The following ICA1 variants were observed in gnomAD, a reference collection of about 807,000 sequenced individuals.
The protein encoded by ICA1 is 69 kDa islet cell autoantigen.
Under a neutral mutation model 71.0 loss-of-function variants are expected in ICA1, and 40 were observed. That is an observed-to-expected ratio of 0.56 (90% CI 0.44 to 0.73). The LOEUF is 0.73. ICA1 is among the 30% of genes least tolerant of loss of function. The probability of loss-of-function intolerance (pLI) is 0.00; values close to 1 mark genes in which losing one functional copy is unlikely to be tolerated. For missense variants in ICA1, 578 were observed against 576.5 expected, an observed-to-expected ratio of 1.00 and a Z score of -0.03; for synonymous variants, 207 against 209.5, an observed-to-expected ratio of 0.99 and a Z score of 0.10.
intron 1 of ICA1, among the ~76,000 whole-genome samples, chr7:8,249,348 A>C (rs1300307148): frequency 6.6e-6 from 1 of 152,256 alleles, no homozygotes; most frequent in African/African-American, 2.4e-5. Flanking sequence ...TCCACAGCAG[A>C]ACTGCCAGTG....
intron 8 of ICA1, among the ~76,000 whole-genome samples, chr7:8,155,420 A>G (rs932567854): frequency 6.6e-6 from 1 of 152,186 alleles, no homozygotes; most frequent in Non-Finnish European, 1.5e-5. Context: ...AAAATTAAGG[A>G]GCCATATTTT....
chr7:8,200,971 C>T (rs1244986320), intron 6 of ICA1, among the ~76,000 whole-genome samples: 1 of 152,118 alleles, frequency 6.6e-6, no homozygotes, highest in African/African-American at 2.4e-5. Flanking sequence ...TCTCTTGATG[C>T]CAAAAAACCC....
At chr7:8,197,380 C>G (rs1345721612) in intron 6 of ICA1, among the ~76,000 whole-genome samples, 2 of 151,148 alleles carry the variant, frequency 1.3e-5, no homozygotes, top group African/African-American at 2.4e-5. Context: ...TAGTGAAACC[C>G]CATCTCTACT....
At chr7:8,200,611 G>T (rs865871920) in intron 6 of ICA1, among the ~76,000 whole-genome samples, 2 of 152,160 alleles carry the variant, frequency 1.3e-5, no homozygotes, top group Non-Finnish European at 2.9e-5. Context: ...AGATGAGACC[G>T]ATGAGGTCTC....
Position 8,218,482 on chromosome 7 carries a change from C to T in ICA1, c.402G>A (p.Leu134=), listed in dbSNP as rs970295016. The change falls in exon 6 of 14, where the codon TTG becomes TTA. Residue 134 remains leucine (L), a synonymous_variant. Coordinates refer to ENST00000402384, the MANE Select transcript of ICA1 (RefSeq NM_001136020.3). ...TCTCCACTTCTTGGTGAAATCGACA[C>T]AAAGGATTTCGTAAGGCCAACCTAG... is the stretch of plus-strand genomic sequence containing the variant. ...SQQRLALRNP[L]CRFHQEVETF... The T allele has an allele frequency of 2.5e-6, 4 of 1,613,944 alleles. No homozygotes were observed. Among genetic ancestry groups the T allele is most frequent in the Non-Finnish European group, 3.4e-6 (4 of 1,179,978 alleles).
chr7:8,247,802 G>A (rs1320968558), intron 1 of ICA1, among the ~76,000 whole-genome samples: 1 of 152,166 alleles, frequency 6.6e-6, no homozygotes, highest in African/African-American at 2.4e-5. Flanking sequence ...GTTAGCTGAT[G>A]GCACTTCTGA....
intron 5 of ICA1, among the ~76,000 whole-genome samples, chr7:8,220,683 T>C (rs1796759316): frequency 6.6e-6 from 1 of 152,182 alleles, no homozygotes; most frequent in Non-Finnish European, 1.5e-5. Flanking sequence ...TACCACAATT[T>C]TCCCTGTACC....
chr7:8,178,112 G>C (rs1781140709), intron 6 of ICA1, among the ~76,000 whole-genome samples: 1 of 152,148 alleles, frequency 6.6e-6, no homozygotes, highest in South Asian at 2.1e-4. Context: ...AGCTCATCAA[G>C]CAGTTTCATC....
intron 13 of ICA1, among the ~76,000 whole-genome samples, chr7:8,119,545 T>C (rs1264109779): frequency 6.6e-6 from 1 of 152,230 alleles, no homozygotes; most frequent in Non-Finnish European, 1.5e-5. Flanking sequence ...TATCAAGTCA[T>C]ACTTTAAAAG....
intron 6 of ICA1, among the ~76,000 whole-genome samples, chr7:8,196,095 A>G (rs1323375697): frequency 1.3e-5 from 2 of 152,238 alleles, no homozygotes; most frequent in Admixed American, 6.5e-5. Context: ...GTTGCCAAAA[A>G]GTGGAAGCAA....
intron 8 of ICA1, among the ~76,000 whole-genome samples, chr7:8,152,295 G>C (rs903935886): frequency 6.6e-6 from 1 of 152,034 alleles, no homozygotes; most frequent in Non-Finnish European, 1.5e-5. Context: ...GAAATGGAGA[G>C]TGAGAAAGTA....
intron 1 of ICA1, among the ~76,000 whole-genome samples, chr7:8,252,793 T>C (rs1808641535): frequency 6.6e-6 from 1 of 151,842 alleles, no homozygotes; most frequent in Admixed American, 6.6e-5. Flanking sequence ...ATTTATTACT[T>C]TTTTATATTT....
chr7:8,165,657 T>C (rs974439892), intron 6 of ICA1, among the ~76,000 whole-genome samples: 2 of 151,312 alleles, frequency 1.3e-5, no homozygotes, highest in African/African-American at 4.9e-5. Flanking sequence ...CTTGATCTGA[T>C]AAACAACTTC....
chr7:8,140,361 A>C (rs1254926955), intron 10 of ICA1, among the ~76,000 whole-genome samples: 1 of 152,116 alleles, frequency 6.6e-6, no homozygotes, highest in Non-Finnish European at 1.5e-5. Flanking sequence ...GACTTTCTCC[A>C]GGTCCTCCTG....
intron 13 of ICA1, among the ~76,000 whole-genome samples, chr7:8,127,166 T>A (rs1584272777): frequency 6.6e-6 from 1 of 151,384 alleles, no homozygotes; most frequent in Non-Finnish European, 1.5e-5. Context: ...TTTTTTTGTA[T>A]TTTTAGTAGA....
chr7:8,206,825 T>C (rs757414683), intron 6 of ICA1, among the ~76,000 whole-genome samples: 2 of 152,124 alleles, frequency 1.3e-5, no homozygotes, highest in African/African-American at 2.4e-5. Flanking sequence ...ATTTGAGAGA[T>C]TTCTTCATTT....
In ICA1 at chr7:8,183,972, T is replaced by C. The variant is rs189086435; in HGVS notation, c.580-25320A>G. On this transcript the variant is annotated intron_variant, in intron 6 of 13. Transcript: ENST00000402384. ...AAGAATAAAAAATATAGACTAGCAT[T>C]TACTACATAAATTTATTGTTCATTG... Among the ~76,000 whole-genome samples the C allele has an allele frequency of 2.0e-3, 303 of 152,326 alleles. 2 individuals carry two copies. The highest frequency in any genetic ancestry group is 6.5e-3 in the African/African-American group (270 of 41,566).
Position 8,146,878 on chromosome 7 carries a change from A to ACG in ICA1, c.805-2907_805-2906insCG, listed in dbSNP as rs1192476397. On this transcript the variant is annotated intron_variant, in intron 8 of 13. Coordinates refer to ENST00000402384, the MANE Select transcript of ICA1 (RefSeq NM_001136020.3). The stretch of plus-strand genomic sequence containing the variant: ...CATGTACACACACACACACACACAC[A>ACG]CACGCACACACACACACACACACAC... 9.1e-5 allele frequency among the ~76,000 whole-genome samples: 9 copies of ACG among 98,764 alleles called. No individual in the cohort carries two copies. The South Asian group carries it at 9.5e-4, about 10-fold the overall frequency. 64.8% of individuals were successfully genotyped at this position (98,764 alleles called of 152,430 possible). A position where few individuals can be genotyped will look rare whatever the true frequency, so the allele number is the denominator to read the frequency against.
At chr7:8,148,880 C>T (rs1160988215) in intron 8 of ICA1, among the ~76,000 whole-genome samples, 1 of 152,138 alleles carries the variant, frequency 6.6e-6, no homozygotes, top group African/African-American at 2.4e-5. Flanking sequence ...CCCTTTATCC[C>T]CCCAAATTAG....
Sources: gnomAD v4.1 joint callset for allele counts (sites outside exome capture counted in the v4.1 genomes callset) on GRCh38, gnomAD v4.1.1 for gene constraint, MANE v1.5 for transcripts, NCBI Gene and HGNC (gene_info 2026-07-23, HGNC 2026-07-21) for gene names.